ADGRL3: variants seen among roughly 807,000 people sequenced by gnomAD.
The protein encoded by ADGRL3 is calcium-independent alpha-latrotoxin receptor 3.
In ADGRL3, 62 loss-of-function variants were observed where a neutral mutation model predicts 153.5. The ratio of observed to expected loss-of-function variants is 0.40; its 90% CI spans 0.33 to 0.50. The LOEUF is 0.50. Among genes scored for constraint, ADGRL3 ranks in the 20% least tolerant of loss-of-function variants. ADGRL3 has a pLI of 0.47. For synonymous variants in ADGRL3, 710 were observed against 672.5 expected (o/e 1.06, Z -0.86); for missense variants, 1,641 against 1,859.4 (o/e 0.88, Z 2.16).
At chr4:61,660,186 C>A (rs1474323746) in intron 5 of ADGRL3, among the ~76,000 whole-genome samples, 2 of 152,114 alleles carry the variant, frequency 1.3e-5, no homozygotes, top group Non-Finnish European at 2.9e-5. Flanking sequence ...CTCAGTGAGA[C>A]CTTTTTTGAA....
intron 9 of ADGRL3, among the ~76,000 whole-genome samples, chr4:61,828,512 A>C (rs902725938): frequency 6.6e-6 from 1 of 152,178 alleles, no homozygotes; most frequent in Non-Finnish European, 1.5e-5. Flanking sequence ...TTGGTATCTT[A>C]CAGAAAATGA....
intron 17 of ADGRL3, among the ~76,000 whole-genome samples, chr4:61,949,226 T>C (rs1339036992): frequency 6.6e-6 from 1 of 152,186 alleles, no homozygotes; most frequent in East Asian, 1.9e-4. Flanking sequence ...TGAGGCTGAC[T>C]CAGATCCCGT....
intron 5 of ADGRL3, among the ~76,000 whole-genome samples, chr4:61,653,805 A>T (rs2094353111): frequency 6.6e-6 from 1 of 152,182 alleles, no homozygotes; most frequent in African/African-American, 2.4e-5. Context: ...TTCCTAAACC[A>T]ATCACAGTGA....
chr4:61,535,863 C>A (rs555856229), intron 4 of ADGRL3, among the ~76,000 whole-genome samples: 23 of 151,896 alleles, frequency 1.5e-4, no homozygotes, highest in Non-Finnish European at 2.2e-4. Context: ...TTTTTTACTT[C>A]ATTTATTCTT....
chr4:61,337,608 T>C (rs2095706461), intron 1 of ADGRL3, among the ~76,000 whole-genome samples: 1 of 152,188 alleles, frequency 6.6e-6, no homozygotes, highest in Middle Eastern at 3.2e-3. Context: ...GTGGAGATAA[T>C]GTGTTCACTC....
At chr4:61,329,885 G>A (rs2095537649) in intron 1 of ADGRL3, among the ~76,000 whole-genome samples, 1 of 152,112 alleles carries the variant, frequency 6.6e-6, no homozygotes, top group Non-Finnish European at 1.5e-5. Flanking sequence ...TGTCAGTAGG[G>A]TACAAACACA....
chr4:61,662,467 A>T (rs984310111), intron 5 of ADGRL3, among the ~76,000 whole-genome samples: 1 of 152,234 alleles, frequency 6.6e-6, no homozygotes, highest in African/African-American at 2.4e-5. Flanking sequence ...TCAGGGCAGC[A>T]CTGACATACC....
At position 61,517,316 on chromosome 4, in the gene ADGRL3, T is replaced by G. The variant is rs2098502542; in HGVS notation, c.57T>G (p.Gly19=). 1.4e-6 allele frequency: 1 copy of G among 702,546 alleles called. No individual in the cohort carries two copies. Among genetic ancestry groups the G allele is most frequent in the African/African-American group, 1.7e-5 (1 of 57,232 alleles). 43.5% of individuals were successfully genotyped at this position (702,546 alleles called of 1,614,324 possible). A position where few individuals can be genotyped will look rare whatever the true frequency, so the allele number is the denominator to read the frequency against. ...TGGTGCGCCCTGCGGTCCCCGCAGG[T>G]GGCAAGCACAGTGAACGACATCCTG... ...FMMLLAPIIH[G]GKHSERHPAL... The change falls in exon 4 of 27, where the codon GGT becomes GGG. Residue 19 remains glycine (G), a splice_region_variant and synonymous_variant. Coordinates refer to ENST00000683033, the MANE Select transcript of ADGRL3 (RefSeq NM_001387552.1).
At chr4:61,393,376 A>G (rs1197380268) in intron 2 of ADGRL3, among the ~76,000 whole-genome samples, 1 of 152,148 alleles carries the variant, frequency 6.6e-6, no homozygotes, top group Non-Finnish European at 1.5e-5. Context: ...TAAATATTAT[A>G]GAATCATTAA....
chr4:61,819,777 A>G (rs1280810386), intron 9 of ADGRL3, among the ~76,000 whole-genome samples: 1 of 152,148 alleles, frequency 6.6e-6, no homozygotes, highest in Non-Finnish European at 1.5e-5. Flanking sequence ...CTTTTGTCAT[A>G]TGAAATATCT....
At chr4:61,229,467 A>G (rs890663182) in intron 1 of ADGRL3, among the ~76,000 whole-genome samples, 1 of 151,920 alleles carries the variant, frequency 6.6e-6, no homozygotes, top group Non-Finnish European at 1.5e-5. Context: ...GATTTTTTTT[A>G]GATTTGAATT....
chr4:61,371,359 C>T (rs1197291798), intron 1 of ADGRL3, among the ~76,000 whole-genome samples: 111 of 151,602 alleles, frequency 7.3e-4, no homozygotes, highest in Admixed American at 1.6e-3. Flanking sequence ...GATTTTGCAG[C>T]GGCTGGTACC....
intron 8 of ADGRL3, among the ~76,000 whole-genome samples, chr4:61,740,640 T>C (rs751098604): frequency 6.6e-6 from 1 of 152,216 alleles, no homozygotes; most frequent in Non-Finnish European, 1.5e-5. Flanking sequence ...GATGGGAAAG[T>C]AGGTTCAAAT....
chr4:62,022,401 T>A (rs1037960599), intron 21 of ADGRL3, among the ~76,000 whole-genome samples: 1 of 152,142 alleles, frequency 6.6e-6, no homozygotes, highest in African/African-American at 2.4e-5. Context: ...AGTGCTGATG[T>A]AGAAGTTGCA....
chr4:61,636,522 A>G (rs569394710), intron 5 of ADGRL3, among the ~76,000 whole-genome samples: 1 of 152,234 alleles, frequency 6.6e-6, no homozygotes, highest in East Asian at 1.9e-4. Flanking sequence ...TCTTTTAAAA[A>G]GAAGGTGAAA....
intron 2 of ADGRL3, among the ~76,000 whole-genome samples, chr4:61,463,454 C>G (rs1190293525): frequency 6.6e-6 from 1 of 152,110 alleles, no homozygotes; most frequent in Non-Finnish European, 1.5e-5. Context: ...AACCAGATCT[C>G]TTGAAAACTC....
At chr4:61,522,776 C>T (rs1395795773) in intron 4 of ADGRL3, among the ~76,000 whole-genome samples, 1 of 152,240 alleles carries the variant, frequency 6.6e-6, no homozygotes, top group East Asian at 1.9e-4. Flanking sequence ...GCACTTTTCT[C>T]TCTTGCTCCA....
chr4:61,649,646 CTT>C, intron 5 of ADGRL3, among the ~76,000 whole-genome samples: 1 of 152,104 alleles, frequency 6.6e-6, no homozygotes, highest in Non-Finnish European at 1.5e-5. Flanking sequence ...AATTGGATGT[CTT>C]ATCATTTTGC....
At chr4:61,518,399 TA>T (rs1291946230) in intron 4 of ADGRL3, among the ~76,000 whole-genome samples, 5 of 650 alleles carry the variant, frequency 7.7e-3, no homozygotes, top group Non-Finnish European at 0.012. Flanking sequence ...GGGATACACA[TA>T]TTAAGTAATA....
Sources: allele counts gnomAD v4.1 joint callset (sites outside exome capture counted in the v4.1 genomes callset), GRCh38; gene constraint gnomAD v4.1.1; transcripts MANE v1.5; gene names NCBI Gene and HGNC (gene_info 2026-07-23, HGNC 2026-07-21).